Variants in BRAF observed in about 807,000 individuals in gnomAD.
BRAF encodes the protein serine/threonine-protein kinase B-raf.
In BRAF, 16 loss-of-function variants were observed where a neutral mutation model predicts 104.6. The ratio of observed to expected loss-of-function variants is 0.15; its 90% confidence interval spans 0.10 to 0.23. The LOEUF (loss-of-function observed/expected upper bound fraction) is 0.23, where lower values mean the gene tolerates loss of function less well. Ranked by LOEUF, BRAF falls within the 10% of genes least tolerant of loss-of-function variation. The pLI is 1.00. For synonymous variants in BRAF, 310 were observed against 341.6 expected (o/e 0.91, Z 1.02); for missense variants, 541 against 937.3 (o/e 0.58, Z 5.52).
rs1469427475 is a variant in BRAF, at chr7:140,726,318, A to T, written c.*176T>A. The T allele has an allele frequency of 4.2e-6, 6 of 1,428,474 alleles. No individual in the cohort carries two copies. The highest frequency in any genetic ancestry group is 5.5e-6 in the Non-Finnish European group (6 of 1,099,156). The allele number at this position is 1,428,474 out of a possible 1,614,324, so 88.5% of individuals were successfully genotyped here. A position where few individuals can be genotyped will look rare whatever the true frequency, so the allele number is the denominator to read the frequency against. ...TGGCAGCAGAGAATTCTGGTTCCTA[A>T]AACATTCTTTCCTCTTTTGTTGGAT... On this transcript the variant is annotated 3_prime_UTR_variant, in exon 20 of 20. Coordinates refer to ENST00000644969, the MANE Select transcript of BRAF (RefSeq NM_001374258.1).
intron 17 of BRAF, among the ~76,000 whole-genome samples, chr7:140,742,096 C>A (rs1283708948): frequency 6.6e-6 from 1 of 152,154 alleles, no homozygotes; most frequent in Non-Finnish European, 1.5e-5. Context: ...AGTTGATCAG[C>A]CATGTCATAG....
chr7:140,827,007 C>T (rs1277750246), intron 3 of BRAF, among the ~76,000 whole-genome samples: 1 of 152,170 alleles, frequency 6.6e-6, no homozygotes, highest in Admixed American at 6.5e-5. Context: ...GAGTCTAGGG[C>T]TATTGTCTTA....
intron 14 of BRAF, among the ~76,000 whole-genome samples, chr7:140,756,517 C>A (rs950146973): frequency 2.0e-5 from 3 of 151,814 alleles, no homozygotes; most frequent in Non-Finnish European, 4.4e-5. Context: ...TTCCTAAGCA[C>A]CACCCAGTTA....
At position 140,754,864 on chromosome 7, in the gene BRAF, C is replaced by A. The variant is rs146062433; in HGVS notation, c.1815-631G>T. On this transcript the variant is annotated intron_variant, in intron 14 of 19. Coordinates refer to ENST00000644969, the MANE Select transcript of BRAF (RefSeq NM_001374258.1). ...TTTTTAAAGGTAGTTGTCATATATT[C>A]TTAAAATATTTTCTTAAAACTAGTG... Among the ~76,000 whole-genome samples the A allele has an allele frequency of 3.2e-3, 481 of 152,224 alleles. 3 individuals carry two copies. The highest frequency in any genetic ancestry group is 5.4e-3 in the Non-Finnish European group (369 of 68,008).
rs1053601045 is a variant in BRAF, at chr7:140,724,147, C to T, written c.*2347G>A. ...TGCAAGGGAAGAAAAAGTGTATCAC[C>T]CTGAATATTGTTTAAGAAACTGAAA... On this transcript the variant is annotated 3_prime_UTR_variant, in exon 20 of 20. Transcript: ENST00000644969. The T allele has an allele frequency of 1.9e-6, 2 of 1,054,288 alleles. No individual in the cohort carries two copies. The highest frequency in any genetic ancestry group is 2.3e-6 in the Non-Finnish European group (2 of 872,416). 65.3% of individuals were successfully genotyped at this position (1,054,288 alleles called of 1,614,324 possible).
chr7:140,734,340 G>T (rs776345190), intron 19 of BRAF: 2 of 1,316,664 alleles, frequency 1.5e-6, no homozygotes, highest in Non-Finnish European at 1.9e-6. Flanking sequence ...ACCCGGAACA[G>T]AAAGTAAAGC....
At chr7:140,744,112 T>C (rs906539433) in intron 17 of BRAF, among the ~76,000 whole-genome samples, 5 of 152,190 alleles carry the variant, frequency 3.3e-5, no homozygotes, top group African/African-American at 9.6e-5. Flanking sequence ...TCTGTTTATC[T>C]GGGGGCCATG....
chr7:140,790,208 GA>G (rs1489871182), intron 8 of BRAF, among the ~76,000 whole-genome samples: 1 of 152,162 alleles, frequency 6.6e-6, no homozygotes, highest in Non-Finnish European at 1.5e-5. Context: ...CATCAGCTCT[GA>G]AACTCTCCAC....
intron 2 of BRAF, among the ~76,000 whole-genome samples, chr7:140,848,264 T>C (rs1248032435): frequency 1.3e-5 from 2 of 152,178 alleles, no homozygotes; most frequent in Admixed American, 1.3e-4. Context: ...AGAACACAGA[T>C]TTCTGACTTA....
At chr7:140,844,544 A>G (rs998479711) in intron 2 of BRAF, among the ~76,000 whole-genome samples, 4 of 152,244 alleles carry the variant, frequency 2.6e-5, no homozygotes, top group Non-Finnish European at 5.9e-5. Flanking sequence ...TTAAGATATC[A>G]GTATTAACCA....
intron 1 of BRAF, among the ~76,000 whole-genome samples, chr7:140,870,716 C>T (rs555722701): frequency 1.2e-3 from 188 of 151,528 alleles, no homozygotes; most frequent in South Asian, 6.3e-4. Context: ...AAAGAGGAAA[C>T]GGAACCACGA....
chr7:140,888,639 C>T (rs1341448934), intron 1 of BRAF, among the ~76,000 whole-genome samples: 4 of 152,070 alleles, frequency 2.6e-5, no homozygotes, highest in Admixed American at 6.6e-5. Flanking sequence ...AGTTCGAGAC[C>T]AGCCTGACCA....
chr7:140,881,564 G>A (rs1018578913), intron 1 of BRAF, among the ~76,000 whole-genome samples: 4 of 152,100 alleles, frequency 2.6e-5, no homozygotes, highest in East Asian at 1.9e-4. Context: ...CTTATCATTC[G>A]TGTATTCACT....
intron 17 of BRAF, among the ~76,000 whole-genome samples, chr7:140,742,769 A>G (rs570024753): frequency 1.3e-5 from 2 of 152,278 alleles, no homozygotes; most frequent in East Asian, 3.9e-4. Context: ...AGAAACTACC[A>G]TCAGAGTGAA....
At chr7:140,714,937 G>A (rs1312918881), downstream of BRAF, among the ~76,000 whole-genome samples, 2 of 152,116 alleles carry the variant, frequency 1.3e-5, no homozygotes, top group African/African-American at 4.8e-5. Flanking sequence ...TGTTCTGGGA[G>A]TAAGGAACAG....
At chr7:140,852,134 C>T (rs1272090662) in intron 1 of BRAF, among the ~76,000 whole-genome samples, 2 of 151,974 alleles carry the variant, frequency 1.3e-5, no homozygotes, top group African/African-American at 4.8e-5. Context: ...TCTGGGAGGC[C>T]GAGGCAGGTG....
chr7:140,789,813 C>T (rs1023299807), intron 8 of BRAF, among the ~76,000 whole-genome samples: 1 of 152,232 alleles, frequency 6.6e-6, no homozygotes, highest in Non-Finnish European at 1.5e-5. Flanking sequence ...TCACTGCAAC[C>T]TTCGCCTCCT....
chr7:140,801,187 G>A (rs774529503), intron 6 of BRAF: 10 of 496,684 alleles, frequency 2.0e-5, no homozygotes, highest in South Asian at 1.1e-4. Flanking sequence ...TTAATTAAAC[G>A]ATAATATAAA....
At chr7:140,853,980 A>C (rs1002159098) in intron 1 of BRAF, among the ~76,000 whole-genome samples, 2 of 152,138 alleles carry the variant, frequency 1.3e-5, no homozygotes, top group Non-Finnish European at 2.9e-5. Context: ...AAAAATGAAT[A>C]CTTTATTTAT....
Sources: allele counts gnomAD v4.1 joint callset (sites outside exome capture counted in the v4.1 genomes callset), GRCh38; gene constraint gnomAD v4.1.1; transcripts MANE v1.5; gene names NCBI Gene and HGNC (gene_info 2026-07-23, HGNC 2026-07-21).